Variants in THSD7B observed in about 807,000 individuals in gnomAD.
THSD7B encodes thrombospondin type-1 domain-containing protein 7B.
Under a neutral mutation model 213.6 loss-of-function variants are expected in THSD7B, and 138 were observed. The observed-to-expected ratio is 0.65, with a 90% CI of 0.56 to 0.74. The LOEUF (loss-of-function observed/expected upper bound fraction) is 0.74. Among genes scored for constraint, THSD7B ranks in the 30% least tolerant of loss-of-function variants. THSD7B has a pLI of 0.00. For synonymous variants in THSD7B, 742 were observed against 687.0 expected (o/e 1.08, Z -1.25); for missense variants, 1,931 against 1,991.5 (o/e 0.97, Z 0.58).
chr2:137,296,032 G>C (rs1382644615), intron 12 of THSD7B, among the ~76,000 whole-genome samples: 3 of 152,058 alleles, frequency 2.0e-5, no homozygotes, highest in African/African-American at 7.2e-5. Context: ...CCTGTTAGAA[G>C]GTTAAAAGTC....
chr2:136,925,698 G>C (rs1046897363), intron 2 of THSD7B, among the ~76,000 whole-genome samples: 1 of 152,092 alleles, frequency 6.6e-6, no homozygotes, highest in Admixed American at 6.5e-5. Context: ...GGATGAGTTT[G>C]GAAGTATTTC....
intron 2 of THSD7B, among the ~76,000 whole-genome samples, chr2:136,899,633 G>A (rs1363026361): frequency 6.6e-6 from 1 of 152,204 alleles, no homozygotes; most frequent in Non-Finnish European, 1.5e-5. Context: ...TGTTACAGTT[G>A]TTGTAAGTGG....
intron 7 of THSD7B, among the ~76,000 whole-genome samples, chr2:137,176,794 A>G (rs1680365987): frequency 6.6e-6 from 1 of 152,200 alleles, no homozygotes; most frequent in Admixed American, 6.5e-5. Flanking sequence ...CAGTTGAAAT[A>G]GCCTGGAGGT....
intron 3 of THSD7B, among the ~76,000 whole-genome samples, chr2:137,061,004 A>C (rs547064497): frequency 3.3e-5 from 5 of 151,744 alleles, no homozygotes; most frequent in African/African-American, 9.7e-5. Flanking sequence ...CCATTTATTT[A>C]ATTCTTGTTT....
intron 20 of THSD7B, among the ~76,000 whole-genome samples, chr2:137,622,853 A>G (rs1682546428): frequency 8.5e-5 from 13 of 152,214 alleles, no homozygotes; most frequent in Admixed American, 8.5e-4. Flanking sequence ...TACCAACCAA[A>G]AAAAGTCCAG....
intron 15 of THSD7B, among the ~76,000 whole-genome samples, chr2:137,558,076 T>G (rs1373087520): frequency 6.6e-6 from 1 of 151,990 alleles, no homozygotes. Flanking sequence ...AATTAATAGC[T>G]TACCAACCAC....
intron 1 of THSD7B, among the ~76,000 whole-genome samples, chr2:136,873,911 G>A (rs1426832783): frequency 7.2e-5 from 11 of 152,286 alleles, no homozygotes; most frequent in African/African-American, 1.4e-4. Flanking sequence ...GGGTTGTGGC[G>A]TCAGGACTGT....
At chr2:137,476,796 T>A (rs1360966472) in intron 15 of THSD7B, among the ~76,000 whole-genome samples, 2 of 152,152 alleles carry the variant, frequency 1.3e-5, no homozygotes. Context: ...CACTTCGACC[T>A]CCCAAAGTGC....
chr2:137,332,157 C>T (rs1006462725), intron 12 of THSD7B, among the ~76,000 whole-genome samples: 1 of 152,018 alleles, frequency 6.6e-6, no homozygotes, highest in Admixed American at 6.5e-5. Context: ...ACTGCCAGCA[C>T]CCTGTCACCT....
chr2:137,499,652 T>TGC (rs761313349), intron 15 of THSD7B, among the ~76,000 whole-genome samples: 3 of 152,148 alleles, frequency 2.0e-5, no homozygotes, highest in Non-Finnish European at 2.9e-5. Context: ...TCGAATTGCT[T>TGC]AAGTTCTCAC....
intron 1 of THSD7B, among the ~76,000 whole-genome samples, chr2:136,870,187 C>T (rs1398484730): frequency 6.6e-6 from 1 of 152,030 alleles, no homozygotes; most frequent in East Asian, 1.9e-4. Context: ...GCATACCTTC[C>T]AAATGTTGGT....
chr2:137,475,266 ATG>A (rs1365480695), intron 15 of THSD7B, among the ~76,000 whole-genome samples: 13 of 152,324 alleles, frequency 8.5e-5, no homozygotes, highest in Admixed American at 7.8e-4. Context: ...CATGCATAGA[ATG>A]TGTAATAATC....
At chr2:137,516,412 A>G (rs1680069651) in intron 15 of THSD7B, among the ~76,000 whole-genome samples, 2 of 152,158 alleles carry the variant, frequency 1.3e-5, no homozygotes, top group African/African-American at 4.8e-5. Context: ...CATTACCAAC[A>G]ATTTACACTG....
intron 1 of THSD7B, among the ~76,000 whole-genome samples, chr2:136,848,165 A>G (rs1222509592): frequency 6.6e-6 from 1 of 152,224 alleles, no homozygotes; most frequent in African/African-American, 2.4e-5. Context: ...AACATTGTAC[A>G]GTGCTTCTCT....
intron 17 of THSD7B, among the ~76,000 whole-genome samples, chr2:137,583,959 C>T (rs1396906627): frequency 1.3e-5 from 2 of 152,108 alleles, no homozygotes; most frequent in East Asian, 3.8e-4. Flanking sequence ...ATTGATTCTT[C>T]CTATCCATGA....
intron 5 of THSD7B, among the ~76,000 whole-genome samples, chr2:137,123,685 A>G (rs955694100): frequency 6.6e-6 from 1 of 152,212 alleles, no homozygotes; most frequent in African/African-American, 2.4e-5. Flanking sequence ...ATTTATTGCA[A>G]TAGATGAGAT....
intron 1 of THSD7B, among the ~76,000 whole-genome samples, chr2:136,796,436 C>T (rs1035130232): frequency 4.0e-5 from 6 of 151,876 alleles, no homozygotes; most frequent in Non-Finnish European, 8.8e-5. Context: ...TTAACAGTAG[C>T]CTCTGCAGCC....
At chr2:137,124,554 G>T (rs374906762) in intron 5 of THSD7B, among the ~76,000 whole-genome samples, 1 of 152,138 alleles carries the variant, frequency 6.6e-6, no homozygotes, top group East Asian at 1.9e-4. Flanking sequence ...ACTTCCTCAA[G>T]CACACAGGGG....
In THSD7B at chr2:137,461,877, G is replaced by C. The variant is rs527970812; in HGVS notation, c.3138+10854G>C. 2.6e-5 allele frequency among the ~76,000 whole-genome samples: 4 copies of C among 152,220 alleles called. No homozygotes were observed. The East Asian group carries it at 7.7e-4, about 29-fold the overall frequency. Reference sequence around the variant, plus strand: ...CCTCATCCAGGCTGTCTCATAAAGAGTATGAAAGTTTCATGTCCTCAGGTT... The same window carrying C: ...CCTCATCCAGGCTGTCTCATAAAGACTATGAAAGTTTCATGTCCTCAGGTT... On this transcript the variant is annotated intron_variant, in intron 15 of 27. Coordinates refer to ENST00000409968, the MANE Select transcript of THSD7B (RefSeq NM_001316349.2).
Sources: allele counts gnomAD v4.1 joint callset (sites outside exome capture counted in the v4.1 genomes callset), GRCh38; gene constraint gnomAD v4.1.1; transcripts MANE v1.5; gene names NCBI Gene and HGNC (gene_info 2026-07-23, HGNC 2026-07-21).